The following CNTN4 variants were observed in gnomAD, a reference collection of about 807,000 sequenced individuals.
CNTN4 encodes the protein contactin 4.
Under a neutral mutation model 122.5 loss-of-function variants are expected in CNTN4, and 77 were observed. The ratio of observed to expected loss-of-function variants is 0.63; its 90% CI spans 0.52 to 0.76. The LOEUF (loss-of-function observed/expected upper bound fraction) is 0.76. CNTN4 is among the 30% of genes least tolerant of loss of function. CNTN4 has a pLI of 0.00. For missense variants in CNTN4, 1,256 were observed against 1,259.1 expected (o/e 1.00, Z 0.04); for synonymous variants, 512 against 447.0 (o/e 1.15, Z -1.83).
chr3:2,592,484 G>T (rs1488181270), intron 4 of CNTN4, among the ~76,000 whole-genome samples: 2 of 152,306 alleles, frequency 1.3e-5, no homozygotes, highest in East Asian at 1.9e-4. Flanking sequence ...CCGGGTAAGA[G>T]ATGATTGAAT....
chr3:2,672,335 C>T (rs774433395), intron 4 of CNTN4, among the ~76,000 whole-genome samples: 11 of 152,156 alleles, frequency 7.2e-5, no homozygotes, highest in African/African-American at 1.4e-4. Flanking sequence ...CCCCCAGCCT[C>T]GCTGCTGCCT....
At chr3:3,030,725 A>G in intron 15 of CNTN4, 130 bp from the exon 16 acceptor site, 1 of 1,099,100 alleles carries the variant, frequency 9.1e-7, no homozygotes, top group South Asian at 1.3e-5. Flanking sequence ...TTAACAGGCC[A>G]TGGTTTGCAT....
chr3:2,346,462 C>A (rs930221184), intron 3 of CNTN4, among the ~76,000 whole-genome samples: 2 of 152,102 alleles, frequency 1.3e-5, no homozygotes, highest in African/African-American at 2.4e-5. Flanking sequence ...CTTATCATTG[C>A]TTCCAGCATC....
intron 4 of CNTN4, among the ~76,000 whole-genome samples, chr3:2,590,488 C>T (rs541052184): frequency 1.3e-5 from 2 of 151,872 alleles, no homozygotes; most frequent in Admixed American, 6.6e-5. Flanking sequence ...AACTCCTAAC[C>T]TCAAGTGATC....
chr3:2,425,252 G>A (rs1018901715), intron 3 of CNTN4, among the ~76,000 whole-genome samples: 1 of 152,156 alleles, frequency 6.6e-6, no homozygotes, highest in Non-Finnish European at 1.5e-5. Context: ...TTTGTATAAG[G>A]TGTAAGGAAG....
intron 3 of CNTN4, among the ~76,000 whole-genome samples, chr3:2,475,731 C>A (rs945847957): frequency 6.6e-6 from 1 of 151,970 alleles, no homozygotes; most frequent in East Asian, 1.9e-4. Context: ...AAAATAACAA[C>A]AATAATAATA....
rs2077562879 is a variant in CNTN4 at position 2,530,598 on chromosome 3, G to A, written c.-88-40818G>A. On this transcript the variant is annotated intron_variant, in intron 3 of 24. Coordinates refer to ENST00000418658, the MANE Select transcript of CNTN4 (RefSeq NM_175607.3). ...GCTGGGATTACAAGCGTAAGCCACC[G>A]CACCTGGCCTCTATTTTCTTCTTAA... Among the ~76,000 whole-genome samples the A allele has an allele frequency of 2.0e-5, 3 of 152,122 alleles. No individual in the cohort carries two copies. In the South Asian group the frequency reaches 6.2e-4, roughly 32 times the overall value.
chr3:2,391,945 A>C (rs976365466), intron 3 of CNTN4, among the ~76,000 whole-genome samples: 1 of 152,214 alleles, frequency 6.6e-6, no homozygotes, highest in Non-Finnish European at 1.5e-5. Flanking sequence ...TATGGACAGC[A>C]GCATAAAGCA....
chr3:2,415,374 C>T (rs891816082), intron 3 of CNTN4, among the ~76,000 whole-genome samples: 2 of 152,176 alleles, frequency 1.3e-5, no homozygotes, highest in Admixed American at 6.5e-5. Flanking sequence ...GCTACAGCCT[C>T]CTGGTAATGT....
chr3:2,455,713 GC>G (rs2151391312), intron 3 of CNTN4, among the ~76,000 whole-genome samples: 1 of 152,150 alleles, frequency 6.6e-6, no homozygotes. Flanking sequence ...TGAGTTTCTT[GC>G]CTCTTCGGGT....
intron 2 of CNTN4, among the ~76,000 whole-genome samples, chr3:2,212,115 A>G (rs1320021761): frequency 1.3e-5 from 2 of 151,946 alleles, no homozygotes; most frequent in Non-Finnish European, 2.9e-5. Flanking sequence ...GGGATTACAG[A>G]TGTGTGCCAC....
chr3:2,649,625 G>A (rs1039078242), intron 4 of CNTN4, among the ~76,000 whole-genome samples: 6 of 152,154 alleles, frequency 3.9e-5, no homozygotes, highest in Admixed American at 3.3e-4. Flanking sequence ...CTCTGATGGA[G>A]ATATATTAGG....
chr3:2,224,512 T>C (rs935170203), intron 2 of CNTN4, among the ~76,000 whole-genome samples: 5 of 152,072 alleles, frequency 3.3e-5, no homozygotes, highest in African/African-American at 9.7e-5. Context: ...CCCTTATTAT[T>C]CAACTGTGTA....
At chr3:2,668,252 TC>T (rs2150350913) in intron 4 of CNTN4, among the ~76,000 whole-genome samples, 1 of 151,958 alleles carries the variant, frequency 6.6e-6, no homozygotes, top group South Asian at 2.1e-4. Context: ...TTTGTTTGTG[TC>T]CTCTTTTATT....
chr3:2,431,874 A>G (rs1480515589), intron 3 of CNTN4, among the ~76,000 whole-genome samples: 1 of 152,110 alleles, frequency 6.6e-6, no homozygotes, highest in Admixed American at 6.5e-5. Flanking sequence ...TTATTTATGA[A>G]GTCAAAACAA....
At chr3:2,669,767 T>G (rs1003648079) in intron 4 of CNTN4, among the ~76,000 whole-genome samples, 2 of 152,214 alleles carry the variant, frequency 1.3e-5, no homozygotes. Context: ...CCTTTAAATG[T>G]GTCCCAGAGA....
intron 12 of CNTN4, among the ~76,000 whole-genome samples, chr3:2,915,376 C>A (rs1166194310): frequency 6.6e-6 from 1 of 152,168 alleles, no homozygotes; most frequent in African/African-American, 2.4e-5. Flanking sequence ...TAATTCAATA[C>A]CTTTTCATGA....
At chr3:2,350,499 G>T (rs1441391141) in intron 3 of CNTN4, among the ~76,000 whole-genome samples, 1 of 152,070 alleles carries the variant, frequency 6.6e-6, no homozygotes, top group Non-Finnish European at 1.5e-5. Context: ...CTGAACAAAA[G>T]GGCCAGGAAA....
At chr3:2,104,482 C>G (rs892729048) in intron 2 of CNTN4, among the ~76,000 whole-genome samples, 1 of 152,166 alleles carries the variant, frequency 6.6e-6, no homozygotes, top group Non-Finnish European at 1.5e-5. Flanking sequence ...TCCATGGGGT[C>G]ATTCAGGGAA....
Sources: gnomAD v4.1 joint callset for allele counts (sites outside exome capture counted in the v4.1 genomes callset) on GRCh38, gnomAD v4.1.1 for gene constraint, MANE v1.5 for transcripts, NCBI Gene and HGNC (gene_info 2026-07-23, HGNC 2026-07-21) for gene names.